The following PLAT variants were observed in gnomAD, a reference collection of about 807,000 sequenced individuals.
PLAT encodes tissue-type plasminogen activator.
A neutral mutation model predicts 74.9 loss-of-function variants in PLAT; 48 were observed. The observed-to-expected ratio is 0.64, with a 90% CI of 0.51 to 0.82. The LOEUF is 0.82. Ranked by LOEUF, PLAT falls within the 40% of genes least tolerant of loss-of-function variation. The probability of loss-of-function intolerance (pLI) is 0.00; values close to 1 mark genes in which losing one functional copy is unlikely to be tolerated. For synonymous variants in PLAT, 307 were observed against 294.4 expected (o/e 1.04, Z -0.44); for missense variants, 673 against 736.2 (o/e 0.91, Z 0.99).
chr8:42,180,762 A>G (rs1805210072), intron 9 of PLAT, 77 bp from the exon 10 acceptor site: 2 of 1,085,962 alleles, frequency 1.8e-6, no homozygotes, highest in African/African-American at 1.6e-5. Context: ...GGAGGCCATC[A>G]GCATGGCTGT....
intron 13 of PLAT, among the ~76,000 whole-genome samples, chr8:42,176,415 C>G (rs1055163405): frequency 3.9e-5 from 6 of 152,206 alleles, no homozygotes; most frequent in African/African-American, 1.4e-4. Context: ...GAGGATGTAT[C>G]TACGTGGGCC....
At chr8:42,194,237 A>T (rs982601077) in intron 1 of PLAT, among the ~76,000 whole-genome samples, 1 of 60,596 alleles carries the variant, frequency 1.7e-5, no homozygotes. Context: ...AGAGAGAGAG[A>T]GAGAGTGTGT....
chr8:42,187,899 T>A lies in PLAT; in HGVS notation c.364+7A>T. 1 of 1,547,800 alleles carries A rather than the reference T, an allele frequency of 6.5e-7. No homozygotes were observed. Among genetic ancestry groups the A allele is most frequent in the African/African-American group, 1.4e-5 (1 of 73,698 alleles). On this transcript the variant is annotated splice_region_variant and intron_variant, in intron 5 of 13. Coordinates refer to ENST00000220809, the MANE Select transcript of PLAT (RefSeq NM_000930.5). Reference sequence around the variant, plus strand: ...TCAGCTCGTTTCACGTGCTCTCACCTACTCACCTATTTCACAGCACTTCCC... The same window carrying A: ...TCAGCTCGTTTCACGTGCTCTCACCAACTCACCTATTTCACAGCACTTCCC...
chr8:42,179,849 C>G, intron 12 of PLAT, 77 bp downstream of exon 12: 2 of 1,407,704 alleles, frequency 1.4e-6, no homozygotes, highest in East Asian at 5.0e-5. Flanking sequence ...GTCTCCTGAC[C>G]CCATTTTCCT....
chr8:42,194,112 G>A (rs1292408885), intron 1 of PLAT, among the ~76,000 whole-genome samples: 2 of 135,712 alleles, frequency 1.5e-5, no homozygotes, highest in South Asian at 2.3e-4. Context: ...GAGTGCAGTG[G>A]CATGAACATG....
At position 42,185,063 on chromosome 8, in the gene PLAT, G is replaced by T. The variant is rs376133045; in HGVS notation, c.631+18C>A. 1 of 1,550,354 alleles carries T rather than the reference G, an allele frequency of 6.5e-7. No homozygotes were observed. Among genetic ancestry groups the T allele is most frequent in the African/African-American group, 1.4e-5 (1 of 72,892 alleles). On this transcript the variant is annotated intron_variant, in intron 7 of 13. Coordinates refer to ENST00000220809, the MANE Select transcript of PLAT (RefSeq NM_000930.5). ...CCCCCAGGGACATTCAGGGAAAGGC[G>T]GGGTGGCTGCCACTTACCCTCAGAG...
chr8:42,182,196 C>T (rs1805275865), intron 8 of PLAT, 174 bp from the exon 9 acceptor site: 4 of 506,826 alleles, frequency 7.9e-6, no homozygotes, highest in Non-Finnish European at 1.1e-5. Context: ...CACACCAGGC[C>T]AGGAGTTTAA....
intron 1 of PLAT, among the ~76,000 whole-genome samples, chr8:42,205,653 A>G (rs1806302359): frequency 6.6e-6 from 1 of 152,194 alleles, no homozygotes; most frequent in African/African-American, 2.4e-5. Flanking sequence ...GCCTTCTCTT[A>G]TCTACCTATG....
intron 1 of PLAT, among the ~76,000 whole-genome samples, chr8:42,198,465 C>T (rs138732872): frequency 1.4e-4 from 22 of 152,296 alleles, no homozygotes; most frequent in Middle Eastern, 3.4e-3. Flanking sequence ...GCAGCCTGGG[C>T]GACAGAGCAG....
chr8:42,179,203 T>C (rs776677837), intron 12 of PLAT, 140 bp from the exon 13 acceptor site: 3 of 628,976 alleles, frequency 4.8e-6, no homozygotes, highest in Non-Finnish European at 2.8e-6. Flanking sequence ...ACACTGCTGG[T>C]ATTTTATCGT....
At chr8:42,178,062 A>G (rs949719592) in intron 13 of PLAT, among the ~76,000 whole-genome samples, 3 of 152,220 alleles carry the variant, frequency 2.0e-5, no homozygotes, top group South Asian at 2.1e-4. Context: ...ATCATGAAAT[A>G]TAAGTACTAA....
chr8:42,176,097 C>A lies in PLAT; in HGVS notation c.1585G>T (p.Gly529Cys). ...CLNDGRMTLV[G>C]IISWGLGCGQ... is the part of the protein sequence containing the mutation. ...CAGCCCAGGCCCCAGCTGATGATGC[C>A]CACCAAAGTCATGCGGCCATCGTTC... Residue 529 changes from glycine to cysteine, a missense_variant, in exon 14 of 14, where the codon GGC (glycine) becomes TGC (cysteine). Gly to Cys is a radical substitution (Grantham distance 159, BLOSUM62 -3). Coordinates refer to ENST00000220809, the MANE Select transcript of PLAT (RefSeq NM_000930.5). The A allele has an allele frequency of 6.2e-7, 1 of 1,613,930 alleles. No homozygotes were observed. Among genetic ancestry groups the A allele is most frequent in the Non-Finnish European group, 8.5e-7 (1 of 1,179,872 alleles).
At position 42,180,228 on chromosome 8, in the gene PLAT, T is replaced by C. The variant is rs770915088; in HGVS notation, c.1222+14A>G. ...GATCTGTATGAACTGGAGCCGGGAATGACGAGCTCTTACCAATGTCATTGT... is the reference window on the plus strand; with the variant it reads ...GATCTGTATGAACTGGAGCCGGGAACGACGAGCTCTTACCAATGTCATTGT... On this transcript the variant is annotated intron_variant, in intron 11 of 13. Coordinates refer to ENST00000220809, the MANE Select transcript of PLAT (RefSeq NM_000930.5). The C allele has an allele frequency of 6.2e-6, 10 of 1,614,120 alleles. No homozygotes were observed. The highest frequency in any genetic ancestry group is 8.5e-6 in the Non-Finnish European group (10 of 1,179,958).
In PLAT at chr8:42,193,003, C is replaced by A. The variant is rs1320383105; in HGVS notation, c.72+111G>T. Reference sequence around the variant, plus strand: ...GCCAGCCCCTCGTCCCTGTGCCTCTCTGCTCCCTGACAGCATTCCAACCTC... The same window carrying A: ...GCCAGCCCCTCGTCCCTGTGCCTCTATGCTCCCTGACAGCATTCCAACCTC... On this transcript the variant is annotated intron_variant, in intron 2 of 13. Transcript: ENST00000220809. The A allele has an allele frequency of 4.0e-6, 3 of 744,352 alleles. No homozygotes were observed. The African/African-American group carries it at 5.1e-5, about 13-fold the overall frequency. 46.1% of individuals were successfully genotyped at this position (744,352 alleles called of 1,614,324 possible).
chr8:42,190,604 G>A (rs1317058247), intron 3 of PLAT, among the ~76,000 whole-genome samples: 2 of 152,160 alleles, frequency 1.3e-5, no homozygotes, highest in Non-Finnish European at 2.9e-5. Flanking sequence ...ATCCAACAAC[G>A]AAGGCATTAA....
At position 42,176,004 on chromosome 8, in the gene PLAT, T is replaced by C. The variant is rs1198328653; in HGVS notation, c.1678A>G (p.Met560Val). ...TCGGGTGTTCCTGGTCACGGTCGCA[T>C]GTTGTCACGAATCCAGTCTAGGTAG... The part of the protein sequence containing the change: ...TNYLDWIRDN[M>V]RP The change falls in exon 14 of 14, where the codon ATG becomes GTG. Residue 560 changes from methionine (M) to valine (V), a missense_variant. Met to Val is a conservative substitution (Grantham distance 21). Coordinates refer to ENST00000220809, the MANE Select transcript of PLAT (RefSeq NM_000930.5). 1.3e-5 allele frequency: 21 copies of C among 1,614,148 alleles called. No individual in the cohort carries two copies. Among genetic ancestry groups the C allele is most frequent in the East Asian group, 2.2e-5 (1 of 44,878 alleles).
At chr8:42,177,260 CTT>C (rs1416520413) in intron 13 of PLAT, among the ~76,000 whole-genome samples, 1 of 152,224 alleles carries the variant, frequency 6.6e-6, no homozygotes, top group African/African-American at 2.4e-5. Context: ...CTGACCAACT[CTT>C]GTTTATATCA....
At chr8:42,204,700 C>T (rs192532899) in intron 1 of PLAT, among the ~76,000 whole-genome samples, 208 of 139,012 alleles carry the variant, frequency 1.5e-3, no homozygotes, top group African/African-American at 2.2e-3. Context: ...GGTGAAAAAG[C>T]GAGACTCCAT....
chr8:42,180,219 A>G, intron 11 of PLAT, 23 bp downstream of exon 11: 1 of 1,613,806 alleles, frequency 6.2e-7, no homozygotes, highest in Non-Finnish European at 8.5e-7. Context: ...TATGAACTGG[A>G]GCCGGGAATG....
Sources: gnomAD v4.1 joint callset for allele counts (sites outside exome capture counted in the v4.1 genomes callset) on GRCh38, gnomAD v4.1.1 for gene constraint, MANE v1.5 for transcripts, NCBI Gene and HGNC (gene_info 2026-07-23, HGNC 2026-07-21) for gene names.